The following RAI1 variants were observed in gnomAD, a reference collection of about 807,000 sequenced individuals.
RAI1 encodes the protein retinoic acid induced 1.
RAI1 carries 9 observed loss-of-function variants against 123.8 expected under a neutral mutation model. The observed-to-expected ratio is 0.07, with a 90% CI of 0.04 to 0.13. RAI1 has a LOEUF of 0.13. Among genes scored for constraint, RAI1 ranks in the 10% least tolerant of loss-of-function variants. RAI1 has a pLI of 1.00. For synonymous variants in RAI1, 1,231 were observed against 1,127.3 expected, an observed-to-expected ratio of 1.09 and a Z score of -1.84; for missense variants, 2,256 against 2,545.8, an observed-to-expected ratio of 0.89 and a Z score of 2.45.
rs890104897 is a variant in RAI1 at position 17,745,207 on chromosome 17, G to A, written c.-17+21048G>A. Among the ~76,000 whole-genome samples, 3 of 152,228 alleles carry A rather than the reference G, an allele frequency of 2.0e-5. No homozygotes were observed. The South Asian group carries it at 6.2e-4, about 32-fold the overall frequency. ...CTCCACAGAGATCACAAGTTTTTAG[G>A]TAGAAGAAAGGAGAGGGAAAAGCTT... is the stretch of plus-strand genomic sequence containing the variant. On this transcript the variant is annotated intron_variant, in intron 2 of 5. Transcript: ENST00000353383.
chr17:17,705,745 G>C (rs908855544), intron 1 of RAI1, among the ~76,000 whole-genome samples: 1 of 151,662 alleles, frequency 6.6e-6, no homozygotes, highest in African/African-American at 2.4e-5. Context: ...AAACAAAAAG[G>C]CTGGGCACGG....
At chr17:17,735,646 C>T (rs1013553620) in intron 2 of RAI1, among the ~76,000 whole-genome samples, 15 of 152,164 alleles carry the variant, frequency 9.9e-5, no homozygotes, top group African/African-American at 2.4e-4. Context: ...CGTGAGCCAC[C>T]GTGCCCAGCC....
At chr17:17,772,470 CT>C (rs2142995472) in intron 2 of RAI1, among the ~76,000 whole-genome samples, 1 of 152,348 alleles carries the variant, frequency 6.6e-6, no homozygotes, top group South Asian at 2.1e-4. Context: ...CTGTTGCTCA[CT>C]CTCTGGGGCT....
At chr17:17,699,857 C>A (rs1451242301) in intron 1 of RAI1, among the ~76,000 whole-genome samples, 1 of 152,190 alleles carries the variant, frequency 6.6e-6, no homozygotes, top group Non-Finnish European at 1.5e-5. Context: ...TCATGTCACA[C>A]ATGATAGTGT....
At chr17:17,804,922 G>A (rs2032566647) in intron 4 of RAI1, among the ~76,000 whole-genome samples, 1 of 152,020 alleles carries the variant, frequency 6.6e-6, no homozygotes, top group South Asian at 2.1e-4. Context: ...GAGTGCAGTG[G>A]TGCGATCTTG....
At chr17:17,756,446 C>T (rs938333138) in intron 2 of RAI1, among the ~76,000 whole-genome samples, 28 of 152,180 alleles carry the variant, frequency 1.8e-4, no homozygotes, top group Admixed American at 5.2e-4. Context: ...ATCCACCTGC[C>T]TCTGCCTCCC....
intron 2 of RAI1, among the ~76,000 whole-genome samples, chr17:17,787,997 G>T (rs2031885713): frequency 1.3e-5 from 2 of 152,056 alleles, no homozygotes. Context: ...GCCACACCAG[G>T]GCTCCCCCAA....
chr17:17,713,998 C>T (rs1351320125), intron 1 of RAI1, among the ~76,000 whole-genome samples: 1 of 152,102 alleles, frequency 6.6e-6, no homozygotes, highest in Non-Finnish European at 1.5e-5. Flanking sequence ...GAGATCCCAG[C>T]GGCCCTCCCC....
intron 2 of RAI1, among the ~76,000 whole-genome samples, chr17:17,781,711 C>CAGG: frequency 6.6e-6 from 1 of 152,238 alleles, no homozygotes; most frequent in Non-Finnish European, 1.5e-5. Context: ...GGCGCGGTCG[C>CAGG]AGGCACGGGT....
intron 1 of RAI1, among the ~76,000 whole-genome samples, chr17:17,716,035 A>G (rs958850133): frequency 2.0e-5 from 3 of 152,200 alleles, no homozygotes; most frequent in African/African-American, 7.2e-5. Context: ...GTCATGCCAA[A>G]GACTTAAGGG....
At chr17:17,776,490 C>T (rs2142996589) in intron 2 of RAI1, among the ~76,000 whole-genome samples, 1 of 152,108 alleles carries the variant, frequency 6.6e-6, no homozygotes, top group African/African-American at 2.4e-5. Context: ...TGTGCCTCAG[C>T]CTCCTGAGTA....
intron 3 of RAI1, chr17:17,802,037 C>T (rs1334227788): frequency 4.3e-6 from 2 of 470,368 alleles, no homozygotes; most frequent in African/African-American, 2.0e-5. Flanking sequence ...CCCCCGCCCC[C>T]AGCACGGTGG....
chr17:17,701,120 G>A (rs558387447), intron 1 of RAI1, among the ~76,000 whole-genome samples: 1 of 152,306 alleles, frequency 6.6e-6, no homozygotes, highest in Non-Finnish European at 1.5e-5. Flanking sequence ...CTGTCCTCCT[G>A]GGATGGGATT....
chr17:17,712,644 G>A (rs1915599296), intron 1 of RAI1, among the ~76,000 whole-genome samples: 1 of 152,232 alleles, frequency 6.6e-6, no homozygotes, highest in South Asian at 2.1e-4. Flanking sequence ...GCAAGGATGG[G>A]CCTAGGAGGC....
chr17:17,688,025 C>CAAAAAAAAAAA (rs61049701), intron 1 of RAI1, among the ~76,000 whole-genome samples: 1 of 90,074 alleles, frequency 1.1e-5, no homozygotes, highest in Non-Finnish European at 2.1e-5. Context: ...GACTCTGTCT[C>CAAAAAAAAAAA]AAAAAAAAAA....
intron 2 of RAI1, among the ~76,000 whole-genome samples, chr17:17,781,751 C>T (rs1039850083): frequency 1.7e-4 from 26 of 152,234 alleles, no homozygotes; most frequent in African/African-American, 6.0e-4. Flanking sequence ...TTGGTACGGC[C>T]AGCCCGCTGC....
At chr17:17,710,661 C>A (rs1389577344) in intron 1 of RAI1, among the ~76,000 whole-genome samples, 1 of 152,242 alleles carries the variant, frequency 6.6e-6, no homozygotes, top group African/African-American at 2.4e-5. Context: ...CTTGTGGCTA[C>A]CCAAGGACTG....
At chr17:17,808,395 TTTTA>T (rs1314660740) in intron 4 of RAI1, among the ~76,000 whole-genome samples, 1 of 98,380 alleles carries the variant, frequency 1.0e-5, no homozygotes, top group Non-Finnish European at 1.7e-5. Flanking sequence ...TATTATTTTA[TTTTA>T]TTTTATTTTA....
intron 4 of RAI1, among the ~76,000 whole-genome samples, chr17:17,806,058 G>A (rs117075956): frequency 0.016 from 2,473 of 152,354 alleles, 30 homozygotes; most frequent in Non-Finnish European, 0.026. Flanking sequence ...AGCCCCCCAA[G>A]GGGCTCACCC....
Sources: gnomAD v4.1 joint callset for allele counts (sites outside exome capture counted in the v4.1 genomes callset) on GRCh38, gnomAD v4.1.1 for gene constraint, MANE v1.5 for transcripts, NCBI Gene and HGNC (gene_info 2026-07-23, HGNC 2026-07-21) for gene names.